The following MEGF10 variants were observed in gnomAD, a reference collection of about 807,000 sequenced individuals.
MEGF10 encodes the protein multiple EGF like domains 10.
Under a neutral mutation model 147.5 loss-of-function variants are expected in MEGF10, and 86 were observed. The observed-to-expected ratio is 0.58, with a 90% CI of 0.49 to 0.70. The LOEUF is 0.70. Ranked by LOEUF, MEGF10 falls within the 30% of genes least tolerant of loss-of-function variation. MEGF10 has a pLI of 0.00. For synonymous variants in MEGF10, 478 were observed against 525.5 expected, an observed-to-expected ratio of 0.91 and a Z score of 1.24; for missense variants, 1,329 against 1,487.3, an observed-to-expected ratio of 0.89 and a Z score of 1.75.
At chr5:127,319,983 G>T (rs1282671610) in intron 1 of MEGF10, among the ~76,000 whole-genome samples, 3 of 152,162 alleles carry the variant, frequency 2.0e-5, no homozygotes, top group Non-Finnish European at 4.4e-5. Context: ...AATATCTCCA[G>T]ACCACAGCAT....
chr5:127,360,897 A>G (rs567675577), intron 4 of MEGF10, among the ~76,000 whole-genome samples: 5 of 151,862 alleles, frequency 3.3e-5, no homozygotes, highest in Non-Finnish European at 7.4e-5. Context: ...CAAACCTCAC[A>G]TGGTCATAAA....
chr5:127,419,595 A>G (rs1764908591), intron 11 of MEGF10, among the ~76,000 whole-genome samples: 1 of 152,202 alleles, frequency 6.6e-6, no homozygotes, highest in Non-Finnish European at 1.5e-5. Flanking sequence ...GTGTCCATCC[A>G]TAGGTGCAGC....
chr5:127,434,575 T>C, intron 14 of MEGF10, 112 bp from the exon 15 acceptor site: 2 of 1,194,484 alleles, frequency 1.7e-6, no homozygotes, highest in Non-Finnish European at 2.2e-6. Flanking sequence ...TCTTTTTTAC[T>C]TTTTTTTAAG....
chr5:127,294,537 G>T lies in MEGF10; in HGVS notation c.-19+3481G>T, dbSNP rs182770509. 1.4e-3 allele frequency among the ~76,000 whole-genome samples: 219 copies of T among 152,198 alleles called. 1 individual carries two copies. The highest frequency in any genetic ancestry group is 4.9e-3 in the African/African-American group (202 of 41,534). On this transcript the variant is annotated intron_variant, in intron 1 of 24. Transcript: ENST00000503335. ...AGTGGGGCTGGGCATGGTGCCTCACGCCTGTAATCCCAGCACTTTGTGAGG... is the reference window on the plus strand; with the variant it reads ...AGTGGGGCTGGGCATGGTGCCTCACTCCTGTAATCCCAGCACTTTGTGAGG...
At chr5:127,374,293 C>T (rs965663812) in intron 5 of MEGF10, among the ~76,000 whole-genome samples, 1 of 152,226 alleles carries the variant, frequency 6.6e-6, no homozygotes, top group African/African-American at 2.4e-5. Flanking sequence ...GGAAAAACTC[C>T]TTTTGCAATG....
At chr5:127,397,860 T>A (rs1011412069) in intron 6 of MEGF10, among the ~76,000 whole-genome samples, 10 of 152,014 alleles carry the variant, frequency 6.6e-5, no homozygotes, top group African/African-American at 1.7e-4. Flanking sequence ...AACTTGTCAG[T>A]CAGTAGGAGA....
At chr5:127,328,428 G>A (rs951339997) in intron 1 of MEGF10, among the ~76,000 whole-genome samples, 1 of 152,096 alleles carries the variant, frequency 6.6e-6, no homozygotes, top group Non-Finnish European at 1.5e-5. Flanking sequence ...AATGGTACCT[G>A]CGACTTTTCA....
At position 127,417,788 on chromosome 5, in the gene MEGF10, G is replaced by A. The variant is rs370326593; in HGVS notation, c.1281G>A (p.Lys427=). ...CAGACTGTGACAGTGTGACTGGAAAGTGCACCTGTGCCCCAGGATTCAAAG... is the reference window on the plus strand; with the variant it reads ...CAGACTGTGACAGTGTGACTGGAAAATGCACCTGTGCCCCAGGATTCAAAG... ...NGADCDSVTG[K]CTCAPGFKGI... The change falls in exon 10 of 25, where the codon AAG becomes AAA. Residue 427 remains lysine (K), a synonymous_variant. Transcript: ENST00000503335. 6.2e-6 allele frequency: 10 copies of A among 1,613,946 alleles called. No homozygotes were observed. The African/African-American group carries it at 1.1e-4, about 17-fold the overall frequency.
At chr5:127,366,279 CT>C (rs1028517701) in intron 4 of MEGF10, among the ~76,000 whole-genome samples, 8 of 152,196 alleles carry the variant, frequency 5.3e-5, no homozygotes, top group African/African-American at 1.9e-4. Context: ...TGTTGCTTCC[CT>C]TTGCTCTTTT....
the MEGF10 span, among the ~76,000 whole-genome samples, chr5:127,230,122 A>G: frequency 2.2e-4 from 34 of 152,160 alleles, no homozygotes; most frequent in Non-Finnish European, 2.4e-4. Flanking sequence ...TCGTTCCCCA[A>G]GTGTGAAGTA....
chr5:127,340,577 G>C lies in MEGF10; in HGVS notation c.266G>C (p.Arg89Thr). Residue 89 changes from arginine to threonine, a missense_variant, in exon 4 of 25, where the codon AGG (arginine) becomes ACG (threonine). Transcript: ENST00000503335. ...AYRHGEKTMY[R>T]RKSQCCPGFY... Reference sequence around the variant, plus strand: ...CGACATGGGGAGAAGACTATGTATAGGCGCAAGTCTCAGTGTTGTCCTGGA... The same window carrying C: ...CGACATGGGGAGAAGACTATGTATACGCGCAAGTCTCAGTGTTGTCCTGGA... 1 of 1,612,990 alleles carries C rather than the reference G, an allele frequency of 6.2e-7. No individual in the cohort carries two copies. Among genetic ancestry groups the C allele is most frequent in the Non-Finnish European group, 8.5e-7 (1 of 1,179,180 alleles).
chr5:127,322,668 T>A (rs1211139384), intron 1 of MEGF10, among the ~76,000 whole-genome samples: 3 of 152,244 alleles, frequency 2.0e-5, no homozygotes, highest in Non-Finnish European at 2.9e-5. Context: ...GTTTGTTCAT[T>A]GGCAAAGCAT....
intron 5 of MEGF10, among the ~76,000 whole-genome samples, chr5:127,372,072 G>T (rs1417949530): frequency 6.6e-6 from 1 of 152,100 alleles, no homozygotes; most frequent in African/African-American, 2.4e-5. Flanking sequence ...AGATAATTCT[G>T]GAACCAAAAT....
the MEGF10 span, among the ~76,000 whole-genome samples, chr5:127,245,809 C>A: frequency 6.6e-6 from 1 of 152,124 alleles, no homozygotes; most frequent in Non-Finnish European, 1.5e-5. Context: ...TGAACAGATA[C>A]ATCTCAAAAG....
intron 1 of MEGF10, among the ~76,000 whole-genome samples, chr5:127,301,375 G>T (rs1759764223): frequency 6.6e-6 from 1 of 152,046 alleles, no homozygotes; most frequent in African/African-American, 2.4e-5. Context: ...AGACTGAAAT[G>T]GAGAAAATAG....
intron 11 of MEGF10, among the ~76,000 whole-genome samples, chr5:127,419,776 A>T (rs1580847131): frequency 6.6e-6 from 1 of 151,950 alleles, no homozygotes; most frequent in East Asian, 1.9e-4. Flanking sequence ...AGGTGCTTTG[A>T]CTCTATATCT....
the MEGF10 span, among the ~76,000 whole-genome samples, chr5:127,267,649 G>A: frequency 6.6e-6 from 1 of 152,106 alleles, no homozygotes; most frequent in East Asian, 1.9e-4. Flanking sequence ...GTTTAATCTT[G>A]GGAGGGTGTA....
At chr5:127,446,874 G>A (rs1419676742) in intron 20 of MEGF10, among the ~76,000 whole-genome samples, 1 of 152,190 alleles carries the variant, frequency 6.6e-6, no homozygotes, top group Non-Finnish European at 1.5e-5. Context: ...GCTGAGCTCT[G>A]AAAGACCCAA....
chr5:127,452,061 G>A (rs865947841), intron 22 of MEGF10, among the ~76,000 whole-genome samples: 3 of 152,162 alleles, frequency 2.0e-5, no homozygotes, highest in African/African-American at 4.8e-5. Flanking sequence ...ATTAAACCAA[G>A]CATTTGAAAG....
Sources: allele counts gnomAD v4.1 joint callset (sites outside exome capture counted in the v4.1 genomes callset), GRCh38; gene constraint gnomAD v4.1.1; transcripts MANE v1.5; gene names NCBI Gene and HGNC (gene_info 2026-07-23, HGNC 2026-07-21).